KHDRBS2: variants seen among roughly 807,000 people sequenced by gnomAD.
KHDRBS2 encodes the protein KH domain-containing, RNA-binding, signal transduction-associated protein 2.
In KHDRBS2, 26 loss-of-function variants were observed where a neutral mutation model predicts 44.3. That is an observed-to-expected ratio of 0.59 (90% CI 0.43 to 0.81). The LOEUF is 0.81. Among genes scored for constraint, KHDRBS2 ranks in the 40% least tolerant of loss-of-function variants. The pLI is 0.00. For missense variants in KHDRBS2, 476 were observed against 433.1 expected, an observed-to-expected ratio of 1.10 and a Z score of -0.88; for synonymous variants, 194 against 151.1, an observed-to-expected ratio of 1.28 and a Z score of -2.08.
intron 1 of KHDRBS2, among the ~76,000 whole-genome samples, chr6:62,210,838 C>A (rs1828921577): frequency 1.3e-5 from 2 of 151,516 alleles, no homozygotes; most frequent in African/African-American, 2.4e-5. Context: ...AGAGAGTTAC[C>A]CTCTAAAATA....
chr6:62,276,046 T>C (rs9454834), intron 1 of KHDRBS2, among the ~76,000 whole-genome samples: 25,976 of 152,114 alleles, frequency 0.17, 2,477 homozygotes, highest in African/African-American at 0.26. Flanking sequence ...CTCTCCTGAG[T>C]TGCAGTCAGG....
At chr6:61,595,285 A>G in the KHDRBS2 span, among the ~76,000 whole-genome samples, 4 of 152,178 alleles carry the variant, frequency 2.6e-5, no homozygotes, top group Admixed American at 1.3e-4. Context: ...TTATTGCAAT[A>G]CTACTCACAA....
chr6:62,253,244 A>G (rs1836834846), intron 1 of KHDRBS2, among the ~76,000 whole-genome samples: 1 of 152,064 alleles, frequency 6.6e-6, no homozygotes, highest in Non-Finnish European at 1.5e-5. Flanking sequence ...GCTATCAAGT[A>G]TCAAGATTGT....
chr6:61,806,144 TCTACATTC>T (rs1490250885), intron 6 of KHDRBS2, among the ~76,000 whole-genome samples: 1 of 152,266 alleles, frequency 6.6e-6, no homozygotes, highest in East Asian at 1.9e-4. Context: ...AGAAGTGTGG[TCTACATTC>T]TCCTTTTTCT....
chr6:61,803,016 G>A (rs1786533145), intron 6 of KHDRBS2, among the ~76,000 whole-genome samples: 1 of 152,122 alleles, frequency 6.6e-6, no homozygotes, highest in Admixed American at 6.6e-5. Flanking sequence ...AGGAAAATAA[G>A]GAAGGTTTAT....
At chr6:61,642,728 G>T in the KHDRBS2 span, among the ~76,000 whole-genome samples, 1 of 151,690 alleles carries the variant, frequency 6.6e-6, no homozygotes, top group African/African-American at 2.4e-5. Flanking sequence ...CACAAAGCAG[G>T]CATGTCATGA....
chr6:61,753,043 T>C (rs942427139), intron 6 of KHDRBS2, among the ~76,000 whole-genome samples: 1 of 152,176 alleles, frequency 6.6e-6, no homozygotes, highest in Non-Finnish European at 1.5e-5. Context: ...TATTCCTCAC[T>C]CTATTTGTAT....
chr6:61,939,130 A>AG (rs11390152), intron 4 of KHDRBS2, among the ~76,000 whole-genome samples: 59,818 of 151,634 alleles, frequency 0.39, 11,894 homozygotes, highest in Admixed American at 0.47. Context: ...CCCACACCAA[A>AG]AATTATCTGG....
At chr6:62,250,224 T>C (rs1275319143) in intron 1 of KHDRBS2, among the ~76,000 whole-genome samples, 1 of 152,076 alleles carries the variant, frequency 6.6e-6, no homozygotes, top group African/African-American at 2.4e-5. Context: ...AATACTGTAA[T>C]TATAAATTAT....
chr6:61,716,346 G>A (rs1334466865), intron 7 of KHDRBS2, among the ~76,000 whole-genome samples: 1 of 151,870 alleles, frequency 6.6e-6, no homozygotes, highest in African/African-American at 2.4e-5. Flanking sequence ...TTGCAGCTGC[G>A]GCCCCAGACA....
intron 6 of KHDRBS2, among the ~76,000 whole-genome samples, chr6:61,761,498 G>T (rs1582663166): frequency 1.3e-5 from 2 of 152,038 alleles, no homozygotes; most frequent in African/African-American, 4.8e-5. Flanking sequence ...ATATGTTCCT[G>T]AATATTTACA....
intron 2 of KHDRBS2, 146 bp downstream of exon 2, chr6:62,177,039 C>T (rs1407350054): frequency 1.0e-4 from 43 of 430,760 alleles, no homozygotes; most frequent in Non-Finnish European, 1.5e-4. Context: ...AAAAGTTTTC[C>T]TTCCCCTATG....
intron 6 of KHDRBS2, among the ~76,000 whole-genome samples, chr6:61,870,846 C>A (rs1210007377): frequency 2.0e-5 from 3 of 152,234 alleles, no homozygotes; most frequent in East Asian, 3.9e-4. Flanking sequence ...GAGACCCCAA[C>A]CAAAAGTCAC....
intron 2 of KHDRBS2, among the ~76,000 whole-genome samples, chr6:62,057,771 CAATT>C (rs1280890007): frequency 2.0e-5 from 3 of 151,834 alleles, no homozygotes; most frequent in Admixed American, 6.6e-5. Flanking sequence ...GTGTTTAAGA[CAATT>C]AAATTTGTAT....
At chr6:61,707,432 G>A (rs1236665836) in intron 7 of KHDRBS2, among the ~76,000 whole-genome samples, 1 of 151,716 alleles carries the variant, frequency 6.6e-6, no homozygotes, top group Non-Finnish European at 1.5e-5. Context: ...TATAAAAATA[G>A]AAGTTGTAAC....
chr6:62,055,647 A>C (rs1448050928), intron 2 of KHDRBS2, among the ~76,000 whole-genome samples: 2 of 152,040 alleles, frequency 1.3e-5, no homozygotes, highest in Non-Finnish European at 2.9e-5. Context: ...TAGTGGGGAA[A>C]AATGATGATA....
At chr6:62,071,923 A>T (rs1438613872) in intron 2 of KHDRBS2, among the ~76,000 whole-genome samples, 2 of 152,092 alleles carry the variant, frequency 1.3e-5, no homozygotes, top group Non-Finnish European at 1.5e-5. Flanking sequence ...TCTATAAATT[A>T]CCTTGGACAG....
rs373144880 is a variant in KHDRBS2, at chr6:62,285,979, G to A, written c.-31C>T. On this transcript the variant is annotated 5_prime_UTR_variant, in exon 1 of 9. Transcript: ENST00000281156. ...GGACTTCGGATTGTCCCCGGGCGAA[G>A]CGCGAGGTTCCGCTCGCTCGGACGC... The A allele has an allele frequency of 4.7e-5, 67 of 1,429,650 alleles. No homozygotes were observed. The African/African-American group carries it at 8.0e-4, about 17-fold the overall frequency. The allele number at this position is 1,429,650 out of a possible 1,614,324, so 88.6% of individuals were successfully genotyped here.
rs1480195654 is a variant in KHDRBS2 at position 61,837,973 on chromosome 6, C to T, written c.810+56662G>A. The stretch of plus-strand genomic sequence containing the variant: ...AATCTTAGCAGTTGACAAAAAGATC[C>T]TCTTCTAGTGCTGATATGAGAGTCA... On this transcript the variant is annotated intron_variant, in intron 6 of 8. Transcript: ENST00000281156. Among the ~76,000 whole-genome samples, 7 of 151,956 alleles carry T rather than the reference C, an allele frequency of 4.6e-5. No individual in the cohort carries two copies. In the South Asian group the frequency reaches 6.2e-4, roughly 13 times the overall value.
Sources: gnomAD v4.1 joint callset for allele counts (sites outside exome capture counted in the v4.1 genomes callset) on GRCh38, gnomAD v4.1.1 for gene constraint, MANE v1.5 for transcripts, NCBI Gene and HGNC (gene_info 2026-07-23, HGNC 2026-07-21) for gene names.